TUSC3: variants seen among roughly 807,000 people sequenced by gnomAD.
The protein encoded by TUSC3 is dolichyl-diphosphooligosaccharide--protein glycosyltransferase subunit TUSC3.
TUSC3 carries 45 observed loss-of-function variants against 44.8 expected under a neutral mutation model. The observed-to-expected ratio is 1.00, with a 90% CI of 0.79 to 1.29. The LOEUF (loss-of-function observed/expected upper bound fraction) is 1.29. Among genes scored for constraint, TUSC3 ranks in the 50% most tolerant of loss-of-function variants. TUSC3 has a pLI of 0.00. For missense variants in TUSC3, 519 were observed against 437.9 expected (o/e 1.19, Z -1.65); for synonymous variants, 212 against 152.9 (o/e 1.39, Z -2.85).
At chr8:15,636,932 G>A (rs1806105001) in intron 2 of TUSC3, among the ~76,000 whole-genome samples, 1 of 152,156 alleles carries the variant, frequency 6.6e-6, no homozygotes, top group Admixed American at 6.5e-5. Context: ...AGATACTGAT[G>A]CCGATCCAGT....
the TUSC3 span, among the ~76,000 whole-genome samples, chr8:15,845,799 G>T: frequency 6.6e-6 from 1 of 152,050 alleles, no homozygotes; most frequent in South Asian, 2.1e-4. Flanking sequence ...AACATTATAG[G>T]CCAGTGTTGT....
At chr8:15,507,678 A>G (rs79454426) in intron 2 of TUSC3, among the ~76,000 whole-genome samples, 2,877 of 152,308 alleles carry the variant, frequency 0.019, 95 homozygotes, top group Admixed American at 0.089. Context: ...CAAAATACAA[A>G]AATATGTTAT....
upstream of TUSC3, among the ~76,000 whole-genome samples, chr8:15,538,704 A>T (rs77458361): frequency 2.6e-5 from 4 of 152,300 alleles, no homozygotes; most frequent in East Asian, 7.7e-4. Context: ...TGAATTATAA[A>T]GGCAGGCAAC....
At chr8:15,428,411 A>G (rs1464210227) in intron 1 of TUSC3, among the ~76,000 whole-genome samples, 4 of 151,824 alleles carry the variant, frequency 2.6e-5, no homozygotes, top group African/African-American at 9.7e-5. Flanking sequence ...GCTATTGTGA[A>G]TAGTGCCGCA....
chr8:15,584,843 T>C (rs1361067204), intron 1 of TUSC3, among the ~76,000 whole-genome samples: 6 of 152,120 alleles, frequency 3.9e-5, no homozygotes, highest in Non-Finnish European at 8.8e-5. Flanking sequence ...TCTATTGGGA[T>C]TTATGAAGTG....
At chr8:15,432,708 G>A (rs765535048) in intron 1 of TUSC3, among the ~76,000 whole-genome samples, 43 of 151,998 alleles carry the variant, frequency 2.8e-4, no homozygotes, top group Non-Finnish European at 1.6e-4. Context: ...ATGCACCTCC[G>A]AACTGTGAAC....
At chr8:15,841,070 G>A in the TUSC3 span, among the ~76,000 whole-genome samples, 1 of 152,060 alleles carries the variant, frequency 6.6e-6, no homozygotes, top group East Asian at 1.9e-4. Flanking sequence ...TCCATTAGTG[G>A]AAGTTGTTCC....
At chr8:15,421,798 T>C (rs988400805) in intron 1 of TUSC3, among the ~76,000 whole-genome samples, 4 of 152,204 alleles carry the variant, frequency 2.6e-5, no homozygotes, top group African/African-American at 4.8e-5. Flanking sequence ...ATGTGGCATA[T>C]ATGGTATAGG....
At chr8:15,781,342 A>C in the TUSC3 span, among the ~76,000 whole-genome samples, 2 of 152,208 alleles carry the variant, frequency 1.3e-5, no homozygotes, top group Non-Finnish European at 2.9e-5. Flanking sequence ...CATTGTACTG[A>C]GAGTATATGG....
At chr8:15,432,264 G>A (rs1585786178) in intron 1 of TUSC3, among the ~76,000 whole-genome samples, 1 of 152,130 alleles carries the variant, frequency 6.6e-6, no homozygotes, top group Non-Finnish European at 1.5e-5. Flanking sequence ...TTGTTGAGAG[G>A]TTTTTGATTA....
At chr8:15,454,569 C>G (rs1430207224) in intron 1 of TUSC3, among the ~76,000 whole-genome samples, 2 of 152,186 alleles carry the variant, frequency 1.3e-5, no homozygotes, top group African/African-American at 4.8e-5. Flanking sequence ...TCAATTCTGT[C>G]TTCCATCAGG....
chr8:15,776,889 A>T, the TUSC3 span, among the ~76,000 whole-genome samples: 2 of 151,966 alleles, frequency 1.3e-5, no homozygotes, highest in African/African-American at 4.8e-5. Context: ...TGGGCAAAAA[A>T]CTTGAGACTG....
At chr8:15,540,695 G>C (rs563375092) in intron 1 of TUSC3, 127 bp downstream of exon 1, 1,833 of 1,324,068 alleles carry the variant, frequency 1.4e-3, no homozygotes, top group Non-Finnish European at 1.5e-3. Context: ...GCGCTGGGGC[G>C]GGAGCCGCGA....
the TUSC3 span, chr8:15,806,108 T>C: frequency 4.9e-6 from 2 of 409,786 alleles, no homozygotes; most frequent in Non-Finnish European, 9.5e-6. Context: ...GTACTCAGCT[T>C]TGGAGGTGAA....
intron 1 of TUSC3, among the ~76,000 whole-genome samples, chr8:15,611,865 T>C (rs1804776106): frequency 6.6e-6 from 1 of 152,176 alleles, no homozygotes; most frequent in Admixed American, 6.5e-5. Flanking sequence ...TGAATACAGA[T>C]TTTTAAGATC....
chr8:15,422,598 A>G (rs1016299889), intron 1 of TUSC3, among the ~76,000 whole-genome samples: 1 of 152,200 alleles, frequency 6.6e-6, no homozygotes, highest in Non-Finnish European at 1.5e-5. Flanking sequence ...CACAAAAACA[A>G]CAATAAAAAA....
chr8:15,615,188 AC>A (rs1246630501), intron 1 of TUSC3, among the ~76,000 whole-genome samples: 1 of 152,212 alleles, frequency 6.6e-6, no homozygotes, highest in Admixed American at 6.5e-5. Flanking sequence ...TATTCACAAT[AC>A]CCCTGATGTG....
At chr8:15,581,448 T>G (rs1025970793) in intron 1 of TUSC3, among the ~76,000 whole-genome samples, 2 of 148,730 alleles carry the variant, frequency 1.3e-5, no homozygotes, top group Non-Finnish European at 3.0e-5. Flanking sequence ...TCTTTGTGGT[T>G]TTATCTACTT....
At chr8:15,818,700 T>C in the TUSC3 span, among the ~76,000 whole-genome samples, 3 of 152,224 alleles carry the variant, frequency 2.0e-5, no homozygotes, top group Non-Finnish European at 4.4e-5. Flanking sequence ...CATAATTATG[T>C]CCTATGACTG....
Sources: gnomAD v4.1 joint callset for allele counts (sites outside exome capture counted in the v4.1 genomes callset) on GRCh38, gnomAD v4.1.1 for gene constraint, MANE v1.5 for transcripts, NCBI Gene and HGNC (gene_info 2026-07-23, HGNC 2026-07-21) for gene names.